SLC24A4: variants seen among roughly 807,000 people sequenced by gnomAD.
The protein encoded by SLC24A4 is sodium/potassium/calcium exchanger 4.
SLC24A4 carries 53 observed loss-of-function variants against 79.0 expected under a neutral mutation model. The ratio of observed to expected loss-of-function variants is 0.67; its 90% CI spans 0.54 to 0.84. SLC24A4 has a LOEUF of 0.84. Among genes scored for constraint, SLC24A4 ranks in the 40% least tolerant of loss-of-function variants. The pLI is 0.00. For synonymous variants in SLC24A4, 323 were observed against 323.8 expected, an observed-to-expected ratio of 1.00 and a Z score of 0.03; for missense variants, 731 against 822.0, an observed-to-expected ratio of 0.89 and a Z score of 1.35.
chr14:92,343,941 G>T (rs1253017269), intron 2 of SLC24A4, among the ~76,000 whole-genome samples: 2 of 152,124 alleles, frequency 1.3e-5, no homozygotes, highest in African/African-American at 4.8e-5. Context: ...GACTTCAAAT[G>T]ATCCACCTGC....
At chr14:92,325,710 G>A (rs796323495) in intron 1 of SLC24A4, among the ~76,000 whole-genome samples, 158 bp from the exon 2 acceptor site, 45 of 152,298 alleles carry the variant, frequency 3.0e-4, no homozygotes, top group African/African-American at 1.0e-3. Flanking sequence ...TATGTAAGCA[G>A]GTGATATTAT....
At chr14:92,447,496 C>T in intron 9 of SLC24A4, 72 bp downstream of exon 9, 2 of 1,416,034 alleles carry the variant, frequency 1.4e-6, no homozygotes, top group South Asian at 1.2e-5. Flanking sequence ...TTTGTGACAG[C>T]AGGGAGAAAA....
At chr14:92,420,629 C>G (rs1163570464) in intron 2 of SLC24A4, among the ~76,000 whole-genome samples, 1 of 152,194 alleles carries the variant, frequency 6.6e-6, no homozygotes, top group Non-Finnish European at 1.5e-5. Flanking sequence ...GCAGTAGCAG[C>G]TCATTCTCAC....
Position 92,323,444 on chromosome 14 carries a change from T to C in SLC24A4, c.-387T>C, listed in dbSNP as rs138920736. On this transcript the variant is annotated 5_prime_UTR_variant, in exon 1 of 17. Transcript: ENST00000532405. The surrounding 1 kb of genome is among the most constrained non-coding windows in gnomAD (Gnocchi z 4.9). ...GCGCGGGGGCGCACTGAGTGCTCCC[T>C]ACGGCGCTGCTGCCAGGGCTGTGGC... is the stretch of plus-strand genomic sequence containing the variant. Among the ~76,000 whole-genome samples, 2,771 of 151,714 alleles carry C rather than the reference T, an allele frequency of 0.018. 58 individuals are homozygous for C. The highest frequency in any genetic ancestry group is 0.025 in the Non-Finnish European group (1,698 of 67,836).
At chr14:92,413,200 C>A (rs910270153) in intron 2 of SLC24A4, among the ~76,000 whole-genome samples, 1 of 152,180 alleles carries the variant, frequency 6.6e-6, no homozygotes, top group South Asian at 2.1e-4. Context: ...CTGCTGCTCT[C>A]CAATAAGGAG....
At chr14:92,363,834 A>AG (rs1555362226) in intron 2 of SLC24A4, among the ~76,000 whole-genome samples, 1 of 152,008 alleles carries the variant, frequency 6.6e-6, no homozygotes, top group East Asian at 1.9e-4. Flanking sequence ...GTCTAAAAAA[A>AG]AAAAGAAAAG....
At chr14:92,335,610 G>A (rs1244707794) in intron 2 of SLC24A4, among the ~76,000 whole-genome samples, 1 of 151,932 alleles carries the variant, frequency 6.6e-6, no homozygotes, top group Non-Finnish European at 1.5e-5. Flanking sequence ...TGATCCACCT[G>A]CCTTGGCCTC....
chr14:92,390,177 C>T (rs919600195), intron 2 of SLC24A4, among the ~76,000 whole-genome samples: 5 of 152,066 alleles, frequency 3.3e-5, no homozygotes, highest in African/African-American at 9.7e-5. Flanking sequence ...AGAGCCCAGT[C>T]GTCCCTGCTG....
In SLC24A4 at chr14:92,323,931, G is replaced by A; in HGVS notation, c.101G>A (p.Cys34Tyr). 6.2e-7 allele frequency: 1 copy of A among 1,611,492 alleles called. No homozygotes were observed. The highest frequency in any genetic ancestry group is 8.5e-7 in the Non-Finnish European group (1 of 1,179,752). Residue 34 changes from cysteine (C) to tyrosine (Y), a missense_variant, in exon 1 of 17, where the codon TGC becomes TAC. Cys to Tyr is a radical substitution (Grantham distance 194). Transcript: ENST00000532405. This position sits in a 1 kb window ranked among gnomAD's most constrained non-coding sequence, Gnocchi z 4.9. ...GTGTGCGCGGTGCTGGCCCTGGTGT[G>A]CTGTGCGTCCGGCCTCTTCGGCAGC... The part of the protein sequence containing the change: ...GFVCAVLALV[C>Y]CASGLFGSLG...
chr14:92,339,670 G>A (rs1304438501), intron 2 of SLC24A4, among the ~76,000 whole-genome samples: 1 of 152,330 alleles, frequency 6.6e-6, no homozygotes, highest in East Asian at 1.9e-4. Flanking sequence ...ATCCTGTAAT[G>A]TACGTTGGAA....
chr14:92,426,420 C>A (rs1013434279), intron 2 of SLC24A4, among the ~76,000 whole-genome samples: 1 of 152,198 alleles, frequency 6.6e-6, no homozygotes, highest in African/African-American at 2.4e-5. Context: ...AACAAGTCCA[C>A]TTCCCTTCCT....
chr14:92,382,107 TACAC>T (rs149711239), intron 2 of SLC24A4, among the ~76,000 whole-genome samples: 8 of 151,462 alleles, frequency 5.3e-5, no homozygotes, highest in East Asian at 1.9e-4. Context: ...TATATAAACA[TACAC>T]ACACACACAC....
chr14:92,458,970 C>G (rs537743616), intron 12 of SLC24A4, among the ~76,000 whole-genome samples: 1 of 152,164 alleles, frequency 6.6e-6, no homozygotes, highest in African/African-American at 2.4e-5. Context: ...CTGGAGAGTT[C>G]TATGTGCCCC....
intron 3 of SLC24A4, among the ~76,000 whole-genome samples, chr14:92,438,584 C>T (rs1440611999): frequency 2.6e-5 from 4 of 152,292 alleles, no homozygotes; most frequent in Middle Eastern, 3.4e-3. Context: ...CACCACTGCA[C>T]TCCAGCCTGG....
rs1400823774 is a variant in SLC24A4 at position 92,441,854 on chromosome 14, CAGAA to C, written c.394-232_394-229del. On this transcript the variant is annotated intron_variant, in intron 4 of 16. Transcript: ENST00000532405. This position sits in a 1 kb window ranked among gnomAD's most constrained non-coding sequence, Gnocchi z 4.6. ...TTTGGTCACGGGCTTGGAGGACAAA[CAGAA>C]AGGAGATAGTTGGGGGTGGGGAAGG... 1.3e-5 allele frequency among the ~76,000 whole-genome samples: 2 copies of C among 152,084 alleles called. No individual in the cohort carries two copies. Among genetic ancestry groups the C allele is most frequent in the African/African-American group, 4.8e-5 (2 of 41,374 alleles).
intron 2 of SLC24A4, among the ~76,000 whole-genome samples, chr14:92,407,857 TTGTGTG>T (rs60398538): frequency 0.046 from 6,567 of 143,646 alleles, 162 homozygotes; most frequent in Non-Finnish European, 0.062. Flanking sequence ...CAGAGTGATA[TTGTGTG>T]TGTGTGTGTG....
intron 2 of SLC24A4, among the ~76,000 whole-genome samples, chr14:92,404,016 A>G (rs1890248520): frequency 6.6e-6 from 1 of 152,204 alleles, no homozygotes; most frequent in South Asian, 2.1e-4. Flanking sequence ...TTTTTAGAGA[A>G]GATTTTTGAA....
intron 9 of SLC24A4, 59 bp from the exon 10 acceptor site, chr14:92,449,015 T>G: frequency 6.2e-7 from 1 of 1,600,676 alleles, no homozygotes; most frequent in Non-Finnish European, 8.5e-7. Context: ...ATCCACCCGC[T>G]GCCCAGTTGG....
intron 2 of SLC24A4, among the ~76,000 whole-genome samples, chr14:92,331,470 A>G (rs1313551280): frequency 6.6e-6 from 1 of 152,044 alleles, no homozygotes; most frequent in Non-Finnish European, 1.5e-5. Flanking sequence ...TTTAGTAGAG[A>G]CAGGGTTTCA....
Sources: allele counts gnomAD v4.1 joint callset (sites outside exome capture counted in the v4.1 genomes callset), GRCh38; gene constraint gnomAD v4.1.1; non-coding constraint Gnocchi (gnomAD v3.1); transcripts MANE v1.5; gene names NCBI Gene and HGNC (gene_info 2026-07-23, HGNC 2026-07-21).